ARSG: variants seen among roughly 807,000 people sequenced by gnomAD.
The protein encoded by ARSG is ASG.
Under a neutral mutation model 50.5 loss-of-function variants are expected in ARSG, and 37 were observed. That is an observed-to-expected ratio of 0.73 (90% CI 0.56 to 0.96). The LOEUF is 0.96. Among genes scored for constraint, ARSG ranks in the 50% least tolerant of loss-of-function variants. The pLI is 0.00. For missense variants in ARSG, 629 were observed against 675.3 expected (o/e 0.93, Z 0.76); for synonymous variants, 225 against 254.6 (o/e 0.88, Z 1.11).
intron 5 of ARSG, among the ~76,000 whole-genome samples, chr17:68,352,010 C>T (rs111310063): frequency 6.6e-6 from 1 of 151,532 alleles, no homozygotes; most frequent in African/African-American, 2.4e-5. Context: ...GCTTCTAGCC[C>T]AGACACTGGA....
At chr17:68,376,412 G>C (rs559104288) in intron 8 of ARSG, among the ~76,000 whole-genome samples, 1 of 151,642 alleles carries the variant, frequency 6.6e-6, no homozygotes, top group South Asian at 2.1e-4. Flanking sequence ...AAGTAGCTGG[G>C]ACCACAGGCA....
chr17:68,421,638 G>A, downstream of ARSG: 2 of 1,291,290 alleles, frequency 1.5e-6, no homozygotes, highest in South Asian at 2.5e-5. Context: ...AGGTCCTGTG[G>A]TTTAAGCAGT....
intron 2 of ARSG, among the ~76,000 whole-genome samples, chr17:68,334,793 G>T (rs1438532040): frequency 6.6e-6 from 1 of 152,092 alleles, no homozygotes; most frequent in East Asian, 1.9e-4. Flanking sequence ...CTTCTTATAT[G>T]GCGGCTCACA....
intron 6 of ARSG, among the ~76,000 whole-genome samples, chr17:68,358,721 C>T (rs1478444042): frequency 6.6e-6 from 1 of 151,648 alleles, no homozygotes; most frequent in East Asian, 1.9e-4. Flanking sequence ...TATTAAATAG[C>T]TGAGCATAGT....
intron 1 of ARSG, among the ~76,000 whole-genome samples, chr17:68,277,818 G>A (rs2075573072): frequency 6.6e-6 from 1 of 152,210 alleles, no homozygotes; most frequent in African/African-American, 2.4e-5. Context: ...GGAATCTACA[G>A]AATCCTAAGA....
At chr17:68,353,793 C>T (rs1445976545) in intron 5 of ARSG, among the ~76,000 whole-genome samples, 2 of 152,170 alleles carry the variant, frequency 1.3e-5, no homozygotes. Context: ...TTTCCGCCTC[C>T]CAGGTTCAAG....
intron 11 of ARSG, among the ~76,000 whole-genome samples, chr17:68,402,556 G>A (rs943702974): frequency 1.3e-5 from 2 of 151,038 alleles, no homozygotes; most frequent in Non-Finnish European, 2.9e-5. Context: ...ATGGAGTCTC[G>A]CTCTGTCACC....
At chr17:68,435,565 C>T in the ARSG span, 142 of 1,550,828 alleles carry the variant, frequency 9.2e-5, no homozygotes, top group African/African-American at 1.4e-3. Flanking sequence ...TCCCTGCGCA[C>T]GGCAGGAGCC....
the ARSG span, among the ~76,000 whole-genome samples, chr17:68,434,924 G>A: frequency 3.9e-3 from 593 of 152,272 alleles, 1 homozygote; most frequent in Middle Eastern, 0.01. Context: ...ATTTGAGGCC[G>A]GGTGTGGTGG....
rs375841879 is a variant in ARSG at position 68,379,421 on chromosome 17, ATTTTTTTTTTTT to A, written c.983-5625_983-5614del. ...GTGCCACCATGCCTGGAACACTACAATTTTTTTTTTTTTTTTTTTTTTTTTTTTTACAGAGAT... is the reference window on the plus strand; with the variant it reads ...GTGCCACCATGCCTGGAACACTACAATTTTTTTTTTTTTTTTTACAGAGAT... On this transcript the variant is annotated intron_variant, in intron 8 of 11. Coordinates refer to ENST00000621439, the MANE Select transcript of ARSG (RefSeq NM_001267727.2). Among the ~76,000 whole-genome samples the A allele has an allele frequency of 1.2e-4, 9 of 72,268 alleles. No homozygotes were observed. The East Asian group carries it at 3.0e-3, about 24-fold the overall frequency. The allele number at this position is 72,268 out of a possible 152,430, so 47.4% of individuals were successfully genotyped here.
chr17:68,275,309 A>G (rs2075478647), intron 1 of ARSG, among the ~76,000 whole-genome samples: 1 of 152,216 alleles, frequency 6.6e-6, no homozygotes, highest in African/African-American at 2.4e-5. Context: ...GTCAAGGAAC[A>G]ACAACATGCT....
At chr17:68,332,681 A>G (rs556246075) in intron 2 of ARSG, among the ~76,000 whole-genome samples, 1 of 152,348 alleles carries the variant, frequency 6.6e-6, no homozygotes, top group Non-Finnish European at 1.5e-5. Flanking sequence ...AGAAATTATA[A>G]AAGTATTAAT....
chr17:68,418,404 A>G (rs148415414), intron 11 of ARSG, among the ~76,000 whole-genome samples: 11 of 152,268 alleles, frequency 7.2e-5, no homozygotes, highest in Non-Finnish European at 1.2e-4. Context: ...CTGTACTGGC[A>G]ATGAAGAATA....
rs1017407541 is a variant in ARSG at position 68,378,879 on chromosome 17, T to C, written c.983-6185T>C. 2.8e-5 allele frequency among the ~76,000 whole-genome samples: 4 copies of C among 140,872 alleles called. No homozygotes were observed. The highest frequency in any genetic ancestry group is 6.2e-5 in the Non-Finnish European group (4 of 64,868). The allele number at this position is 140,872 out of a possible 152,430, so 92.4% of individuals were successfully genotyped here. On this transcript the variant is annotated intron_variant, in intron 8 of 11. Coordinates refer to ENST00000621439, the MANE Select transcript of ARSG (RefSeq NM_001267727.2). The surrounding 1 kb of genome is among the most constrained non-coding windows in gnomAD (Gnocchi z 4.4). ...TGCTATCAGGTTGTTGCATAACCTT[T>C]CCCGCTGGGAAGCAGTCTCTGCATC...
intron 2 of ARSG, among the ~76,000 whole-genome samples, chr17:68,338,068 C>T (rs959063916): frequency 6.6e-6 from 1 of 152,100 alleles, no homozygotes; most frequent in Non-Finnish European, 1.5e-5. Flanking sequence ...GTATAAAAAC[C>T]TTGAAAAACT....
At chr17:68,402,199 C>T (rs928172375) in intron 11 of ARSG, among the ~76,000 whole-genome samples, 4 of 152,114 alleles carry the variant, frequency 2.6e-5, no homozygotes, top group Admixed American at 6.5e-5. Context: ...TTTAGGTACA[C>T]GTCTTATTTC....
At chr17:68,436,206 G>T in the ARSG span, among the ~76,000 whole-genome samples, 29 of 152,286 alleles carry the variant, frequency 1.9e-4, 1 homozygote, top group African/African-American at 7.0e-4. Context: ...CTTATGGTGA[G>T]GTTGACTCAC....
chr17:68,286,087 C>A (rs115620883), intron 1 of ARSG, among the ~76,000 whole-genome samples: 3,659 of 152,186 alleles, frequency 0.024, 131 homozygotes, highest in African/African-American at 0.082. Context: ...GAGACAGGGT[C>A]TCACCATGTG....
chr17:68,337,247 G>A (rs1268016738), intron 2 of ARSG, among the ~76,000 whole-genome samples: 4 of 152,180 alleles, frequency 2.6e-5, no homozygotes, highest in African/African-American at 9.7e-5. Context: ...GGGAGGGGAG[G>A]GGAGCGAAGG....
Sources: gnomAD v4.1 joint callset for allele counts (sites outside exome capture counted in the v4.1 genomes callset) on GRCh38, gnomAD v4.1.1 for gene constraint, Gnocchi (gnomAD v3.1) non-coding constraint, MANE v1.5 for transcripts, NCBI Gene and HGNC (gene_info 2026-07-23, HGNC 2026-07-21) for gene names.